Variants in BCAR3 observed in about 807,000 individuals in gnomAD.
BCAR3 encodes the protein BCAR3 adaptor protein, NSP family member.
Under a neutral mutation model 80.1 loss-of-function variants are expected in BCAR3, and 37 were observed. That is an observed-to-expected ratio of 0.46 (90% CI 0.36 to 0.61). BCAR3 has a LOEUF of 0.61. BCAR3 is among the 20% of genes least tolerant of loss of function. The pLI is 0.00. For synonymous variants in BCAR3, 389 were observed against 418.9 expected (o/e 0.93, Z 0.87); for missense variants, 978 against 1,068.2 (o/e 0.92, Z 1.18).
At chr1:93,797,642 T>C (rs1240372529) in intron 2 of BCAR3, among the ~76,000 whole-genome samples, 4 of 152,072 alleles carry the variant, frequency 2.6e-5, no homozygotes, top group African/African-American at 9.7e-5. Context: ...AAGCTTTCGA[T>C]AATTTTCTAG....
chr1:93,610,674 G>T (rs1023926088), intron 3 of BCAR3, among the ~76,000 whole-genome samples: 2 of 152,146 alleles, frequency 1.3e-5, no homozygotes, highest in African/African-American at 4.8e-5. Flanking sequence ...AGCCAGGCAT[G>T]GTGGCTCACA....
At chr1:93,606,028 A>G (rs961699094) in intron 3 of BCAR3, among the ~76,000 whole-genome samples, 1 of 152,212 alleles carries the variant, frequency 6.6e-6, no homozygotes, top group African/African-American at 2.4e-5. Context: ...AGCGCATCAC[A>G]TGTCAGTGCT....
intron 2 of BCAR3, among the ~76,000 whole-genome samples, chr1:93,770,414 C>T (rs1038772470): frequency 3.3e-5 from 5 of 152,092 alleles, no homozygotes; most frequent in African/African-American, 9.7e-5. Context: ...TGTGGGCCCC[C>T]TGGGACTCTG....
chr1:93,844,850 A>G (rs917439021), intron 2 of BCAR3, among the ~76,000 whole-genome samples: 1 of 151,958 alleles, frequency 6.6e-6, no homozygotes, highest in Non-Finnish European at 1.5e-5. Context: ...CTGGAATTAC[A>G]GGCGTGAGTC....
chr1:93,658,483 C>T (rs1356176597), intron 2 of BCAR3, among the ~76,000 whole-genome samples: 1 of 139,732 alleles, frequency 7.2e-6, no homozygotes, highest in Non-Finnish European at 1.6e-5. Flanking sequence ...CCCGTCTCTA[C>T]AAAAAAAAAA....
Position 93,622,331 on chromosome 1 carries a change from C to T in BCAR3, c.357+19973G>A, listed in dbSNP as rs747567383. Among the ~76,000 whole-genome samples the T allele has an allele frequency of 7.2e-5, 11 of 152,198 alleles. 1 individual carries two copies. The highest frequency in any genetic ancestry group is 2.2e-4 in the African/African-American group (9 of 41,458). ...TTAAAGTTAATGATTAAAACAACAACGAATCAGAATGGCTGGCTCTATCTG... is the reference window on the plus strand; with the variant it reads ...TTAAAGTTAATGATTAAAACAACAATGAATCAGAATGGCTGGCTCTATCTG... On this transcript the variant is annotated intron_variant, in intron 3 of 11. Coordinates refer to ENST00000260502, the MANE Select transcript of BCAR3 (RefSeq NM_003567.4).
chr1:93,566,461 G>A (rs1218141950), intron 11 of BCAR3, among the ~76,000 whole-genome samples: 2 of 152,072 alleles, frequency 1.3e-5, no homozygotes, highest in Non-Finnish European at 2.9e-5. Flanking sequence ...ACGGTGCCGC[G>A]CGCATGCCAC....
rs35143036 is a variant in BCAR3 at position 93,591,168 on chromosome 1, TAAAAAA to T, written c.486+1091_486+1096del. On this transcript the variant is annotated intron_variant, in intron 4 of 11. Coordinates refer to ENST00000260502, the MANE Select transcript of BCAR3 (RefSeq NM_003567.4). ...GATTGTGCCAAGAAATCTACTACAT[TAAAAAA>T]AAAAAAAAAAAAAAAAAAGCCTGGG... Among the ~76,000 whole-genome samples the T allele has an allele frequency of 5.4e-3, 356 of 66,332 alleles. 15 individuals carry two copies. The Admixed American group carries it at 0.057, about 11-fold the overall frequency. The allele number at this position is 66,332 out of a possible 152,430, so 43.5% of individuals were successfully genotyped here.
At chr1:93,843,501 G>T (rs1340514232) in intron 2 of BCAR3, among the ~76,000 whole-genome samples, 1 of 152,216 alleles carries the variant, frequency 6.6e-6, no homozygotes, top group Non-Finnish European at 1.5e-5. Context: ...TAAGGATCAT[G>T]TCCTGCAAAT....
intron 3 of BCAR3, chr1:93,614,014 C>T (rs1675031022): frequency 1.3e-6 from 2 of 1,522,980 alleles, no homozygotes; most frequent in Non-Finnish European, 8.8e-7. Flanking sequence ...CCTAGCCCAC[C>T]ACAGCAGCTG....
At chr1:93,578,992 G>A (rs977880105) in intron 7 of BCAR3, among the ~76,000 whole-genome samples, 1 of 152,202 alleles carries the variant, frequency 6.6e-6, no homozygotes, top group Admixed American at 6.5e-5. Context: ...AGGCTCAGTC[G>A]GGCCAAGTGC....
At chr1:93,754,899 C>G (rs1651693250) in intron 2 of BCAR3, among the ~76,000 whole-genome samples, 1 of 152,002 alleles carries the variant, frequency 6.6e-6, no homozygotes, top group African/African-American at 2.4e-5. Context: ...AGGAGGTATT[C>G]CAGAAGAAGG....
chr1:93,751,331 G>A lies in BCAR3; in HGVS notation c.-62-45189C>T, dbSNP rs564964946. 6.6e-5 allele frequency among the ~76,000 whole-genome samples: 10 copies of A among 152,164 alleles called. No individual in the cohort carries two copies. The East Asian group carries it at 1.6e-3, about 24-fold the overall frequency. On this transcript the variant is annotated intron_variant, in intron 2 of 13. Transcript: ENST00000370244. Reference sequence around the variant, plus strand: ...TAAACCTCTGGACTTCCACTCTGACGGCCTTTCCCTTATGCCCTCATCTAT... The same window carrying A: ...TAAACCTCTGGACTTCCACTCTGACAGCCTTTCCCTTATGCCCTCATCTAT...
At chr1:93,584,209 C>CAA in intron 5 of BCAR3, 88 bp from the exon 6 acceptor site, 2 of 1,194,806 alleles carry the variant, frequency 1.7e-6, no homozygotes, top group African/African-American at 1.6e-5. Flanking sequence ...TAAACAAAAA[C>CAA]AAAAAAAAAG....
Position 93,582,600 on chromosome 1 carries a change from T to G in BCAR3, c.1387A>C (p.Asn463His). 6.2e-7 allele frequency: 1 copy of G among 1,613,736 alleles called. No homozygotes were observed. The highest frequency in any genetic ancestry group is 8.5e-7 in the Non-Finnish European group (1 of 1,179,882). ...SHTELLTAKQ[N>H]EAPGPRNSGV... ...GAGTTCCGGGGACCTGGCGCCTCAT[T>G]CTGCTTGGCTGTGAGCAGTTCTGTG... The change falls in exon 7 of 12, where the codon AAT (asparagine) becomes CAT (histidine). Residue 463 changes from asparagine (N) to histidine (H), a missense_variant. Physicochemically the swap from Asn to His is moderately conservative, Grantham distance 68. Coordinates refer to ENST00000260502, the MANE Select transcript of BCAR3 (RefSeq NM_003567.4).
intron 2 of BCAR3, among the ~76,000 whole-genome samples, chr1:93,712,900 C>T (rs886413230): frequency 2.6e-5 from 4 of 152,240 alleles, no homozygotes; most frequent in African/African-American, 9.6e-5. Context: ...CCTGTGGCAA[C>T]TTCCTGCTAG....
intron 3 of BCAR3, among the ~76,000 whole-genome samples, chr1:93,630,065 T>C (rs370863354): frequency 6.6e-6 from 1 of 152,224 alleles, no homozygotes; most frequent in Non-Finnish European, 1.5e-5. Context: ...CCAGTGTGTG[T>C]ACATTTTAAA....
chr1:93,805,221 A>C (rs1653617681), intron 2 of BCAR3, among the ~76,000 whole-genome samples: 1 of 152,230 alleles, frequency 6.6e-6, no homozygotes, highest in African/African-American at 2.4e-5. Context: ...TGCTTTATAG[A>C]GATTTCAACA....
intron 3 of BCAR3, among the ~76,000 whole-genome samples, chr1:93,624,472 G>C (rs1310438641): frequency 6.6e-6 from 1 of 152,228 alleles, no homozygotes; most frequent in South Asian, 2.1e-4. Flanking sequence ...CTCAGTCTGT[G>C]TGGGCCCGTA....
Sources: gnomAD v4.1 joint callset for allele counts (sites outside exome capture counted in the v4.1 genomes callset) on GRCh38, gnomAD v4.1.1 for gene constraint, MANE v1.5 for transcripts, NCBI Gene and HGNC (gene_info 2026-07-23, HGNC 2026-07-21) for gene names.